Variants in CNGB1 observed in about 807,000 individuals in gnomAD.
The protein encoded by CNGB1 is cyclic nucleotide-gated channel beta-1.
Under a neutral mutation model 151.7 loss-of-function variants are expected in CNGB1, and 126 were observed. That is an observed-to-expected ratio of 0.83 (90% confidence interval 0.72 to 0.96). The LOEUF is 0.96. Among genes scored for constraint, CNGB1 ranks in the 40% least tolerant of loss-of-function variants. The probability of loss-of-function intolerance (pLI) is 0.00; values close to 1 mark genes in which losing one functional copy is unlikely to be tolerated. For missense variants in CNGB1, 1,698 were observed against 1,627.0 expected, an observed-to-expected ratio of 1.04 and a Z score of -0.75; for synonymous variants, 623 against 635.1, an observed-to-expected ratio of 0.98 and a Z score of 0.29.
rs1184785071 is a variant in CNGB1 at position 57,915,277 on chromosome 16, G to C, written c.2276C>G (p.Pro759Arg). The C allele has an allele frequency of 1.2e-6, 2 of 1,613,922 alleles. No individual in the cohort carries two copies. The highest frequency in any genetic ancestry group is 1.7e-6 in the Non-Finnish European group (2 of 1,179,934). Residue 759 changes from proline to arginine, a missense_variant, in exon 23 of 33, where the codon CCC becomes CGC. Pro to Arg is a moderately radical substitution (Grantham distance 103). Transcript: ENST00000251102. ...TAAACAGCGGGGCAGGCGGAGGAGG[G>C]GGTTCACACCGACTTTCAAATAGAG... ...DFLYLKVGVN[P>R]LLRLPRCLKY...
chr16:57,907,420 T>C (rs1960585015), intron 25 of CNGB1, among the ~76,000 whole-genome samples: 1 of 152,252 alleles, frequency 6.6e-6, no homozygotes, highest in Non-Finnish European at 1.5e-5. Flanking sequence ...AAAATCTCTA[T>C]ACCCCAGGTT....
chr16:57,937,218 C>T (rs1465229480), intron 16 of CNGB1: 1 of 152,740 alleles, frequency 6.5e-6, no homozygotes, highest in African/African-American at 2.4e-5. Context: ...GGGAGATGCT[C>T]TACCAGGTTT....
At chr16:57,891,942 T>C (rs1960102164) in intron 31 of CNGB1, among the ~76,000 whole-genome samples, 2 of 152,134 alleles carry the variant, frequency 1.3e-5, no homozygotes, top group Non-Finnish European at 2.9e-5. Context: ...GAATGAAGCT[T>C]ATCTAACACA....
intron 2 of CNGB1, among the ~76,000 whole-genome samples, chr16:57,965,818 C>T (rs1386433405): frequency 1.3e-5 from 2 of 152,244 alleles, no homozygotes; most frequent in East Asian, 1.9e-4. Context: ...AACATATGTG[C>T]AAACACATAT....
In CNGB1 at chr16:57,950,491, C is replaced by T. The variant is rs1961921247; in HGVS notation, c.924G>A (p.Glu308=). ...GGGCATCCTCCCAGGGCGGTTCAAC[C>T]TCCTCTAGGACAAGGTCAGGCTCCA... ...GQVEPDLVLE[E]VEPPWEDAHQ... The change falls in exon 13 of 33, where the codon GAG becomes GAA. Residue 308 remains glutamate (E), a synonymous_variant. Transcript: ENST00000251102. 2 of 1,614,102 alleles carry T rather than the reference C, an allele frequency of 1.2e-6. No homozygotes were observed. The highest frequency in any genetic ancestry group is 1.7e-5 in the Admixed American group (1 of 60,006).
chr16:57,934,023 G>A (rs142818964), intron 16 of CNGB1, among the ~76,000 whole-genome samples: 3 of 151,688 alleles, frequency 2.0e-5, no homozygotes, highest in African/African-American at 7.2e-5. Flanking sequence ...GCACCCAGCC[G>A]ATATGGGGTT....
At chr16:57,924,983 T>A (rs1307241930) in intron 17 of CNGB1, among the ~76,000 whole-genome samples, 2 of 152,140 alleles carry the variant, frequency 1.3e-5, no homozygotes, top group Non-Finnish European at 2.9e-5. Context: ...TTAAACCTCT[T>A]TTCTTTATTT....
At chr16:57,897,322 A>G (rs1160381694) in intron 31 of CNGB1, 75 bp downstream of exon 31, 3 of 1,487,232 alleles carry the variant, frequency 2.0e-6, no homozygotes, top group Non-Finnish European at 2.8e-6. Flanking sequence ...AAAAAAAGAT[A>G]AAGGTACTGT....
intron 20 of CNGB1, among the ~76,000 whole-genome samples, chr16:57,917,854 A>G (rs1228306486): frequency 6.6e-6 from 1 of 151,966 alleles, no homozygotes; most frequent in African/African-American, 2.4e-5. Context: ...CTAATCCCTA[A>G]TAAATCAGAG....
chr16:57,884,276 G>T lies in CNGB1; in HGVS notation c.3644C>A (p.Pro1215Gln). ...LGRPEGEEEG[P>Q]AEPEEHSVRI... is the part of the protein sequence containing the mutation. ...CACCGAGTGCTCTTCGGGCTCGGCC[G>T]GCCCCTCCTCCTCTCCCTCCGGCCT... The change falls in exon 33 of 33, where the codon CCG (proline) becomes CAG (glutamine). Residue 1215 changes from proline to glutamine, a missense_variant. By Grantham distance (76) the Pro-to-Gln change is moderately conservative (BLOSUM62 -1). Transcript: ENST00000251102. 6.2e-7 allele frequency: 1 copy of T among 1,613,590 alleles called. No individual in the cohort carries two copies. The highest frequency in any genetic ancestry group is 8.5e-7 in the Non-Finnish European group (1 of 1,179,860).
Position 57,939,604 on chromosome 16 carries a change from A to T in CNGB1, c.1210-12T>A. 5 of 1,614,140 alleles carry T rather than the reference A, an allele frequency of 3.1e-6. No individual in the cohort carries two copies. The highest frequency in any genetic ancestry group is 4.2e-6 in the Non-Finnish European group (5 of 1,180,016). Reference sequence around the variant, plus strand: ...TCCTCCCACAGCTTCTGCAGAGAATAAAGTGAAAACAGAAACTGTGACCAT... The same window carrying T: ...TCCTCCCACAGCTTCTGCAGAGAATTAAGTGAAAACAGAAACTGTGACCAT... On this transcript the variant is annotated splice_polypyrimidine_tract_variant and intron_variant, in intron 15 of 32. Coordinates refer to ENST00000251102, the MANE Select transcript of CNGB1 (RefSeq NM_001297.5).
At chr16:57,945,249 G>A (rs1295850252) in intron 14 of CNGB1, among the ~76,000 whole-genome samples, 5 of 152,216 alleles carry the variant, frequency 3.3e-5, no homozygotes, top group African/African-American at 1.2e-4. Context: ...ACACTAAGGA[G>A]AAGTCAGCCT....
intron 17 of CNGB1, among the ~76,000 whole-genome samples, chr16:57,925,306 CTCTT>C (rs1239792821): frequency 1.3e-5 from 2 of 151,966 alleles, no homozygotes; most frequent in Non-Finnish European, 2.9e-5. Flanking sequence ...CCCGGCCTCT[CTCTT>C]TTCTTTATAA....
chr16:57,910,695 T>TCC (rs1555489151), intron 25 of CNGB1, among the ~76,000 whole-genome samples: 3 of 144,348 alleles, frequency 2.1e-5, no homozygotes, highest in Non-Finnish European at 4.5e-5. Context: ...TTTTTTTTTT[T>TCC]CCCAAGCAGA....
Position 57,903,891 on chromosome 16 carries a change from T to C in CNGB1, c.2725A>G (p.Ile909Val). The C allele has an allele frequency of 1.2e-6, 2 of 1,614,146 alleles. No individual in the cohort carries two copies. Among genetic ancestry groups the C allele is most frequent in the Non-Finnish European group, 1.7e-6 (2 of 1,180,036 alleles). ...ACGCGGTTCTGCACGGACTTGGGGATCTTGTAGAAATTCATGTACTTCACC... is the reference window on the plus strand; with the variant it reads ...ACGCGGTTCTGCACGGACTTGGGGACCTTGTAGAAATTCATGTACTTCACC... Reference protein sequence around the residue: ...STVKYMNFYKIPKSVQNRVKT... With the variant: ...STVKYMNFYKVPKSVQNRVKT... The change falls in exon 27 of 33, where the codon ATC (isoleucine) becomes GTC (valine). Residue 909 changes from isoleucine to valine, a missense_variant. By Grantham distance (29) the Ile-to-Val change is conservative. Transcript: ENST00000251102.
chr16:57,930,468 T>C (rs772072320), intron 17 of CNGB1, among the ~76,000 whole-genome samples: 12 of 136,336 alleles, frequency 8.8e-5, no homozygotes, highest in Non-Finnish European at 1.7e-4. Context: ...CACTCCAACC[T>C]GGGTGACAGA....
intron 15 of CNGB1, 23 bp from the exon 16 acceptor site, chr16:57,939,615 A>G (rs2149376139): frequency 1.2e-6 from 2 of 1,614,162 alleles, no homozygotes; most frequent in Non-Finnish European, 1.7e-6. Context: ...AAGTGAAAAC[A>G]GAAACTGTGA....
rs544333223 is a variant in CNGB1, at chr16:57,888,743, C to T, written c.3243-669G>A. 1.2e-4 allele frequency among the ~76,000 whole-genome samples: 18 copies of T among 147,734 alleles called. No homozygotes were observed. In the South Asian group the frequency reaches 1.5e-3, roughly 12 times the overall value. ...TTGAAATTACAGGTGTGAGGCACCG[C>T]GCCTGGCCTCTTTCTTTTTTTTAAC... On this transcript the variant is annotated intron_variant, in intron 31 of 32. Coordinates refer to ENST00000251102, the MANE Select transcript of CNGB1 (RefSeq NM_001297.5).
chr16:57,944,760 G>A (rs1961759698), intron 14 of CNGB1, among the ~76,000 whole-genome samples: 1 of 151,670 alleles, frequency 6.6e-6, no homozygotes, highest in African/African-American at 2.4e-5. Flanking sequence ...TTTGAGACCA[G>A]CCTGGCCAAT....
Sources: allele counts gnomAD v4.1 joint callset (sites outside exome capture counted in the v4.1 genomes callset), GRCh38; gene constraint gnomAD v4.1.1; transcripts MANE v1.5; gene names NCBI Gene and HGNC (gene_info 2026-07-23, HGNC 2026-07-21).